The following KCNIP4 variants were observed in gnomAD, a reference collection of about 807,000 sequenced individuals.
KCNIP4 encodes the protein potassium voltage-gated channel interacting protein 4, also known as Kv channel-interacting protein 4.
In KCNIP4, 12 loss-of-function variants were observed where a neutral mutation model predicts 34.0. That is an observed-to-expected ratio of 0.35 (90% CI 0.23 to 0.57). The LOEUF (loss-of-function observed/expected upper bound fraction) is 0.57, where lower values mean the gene tolerates loss of function less well. Ranked by LOEUF, KCNIP4 falls within the 20% of genes least tolerant of loss-of-function variation. The pLI, the probability that KCNIP4 is intolerant of heterozygous loss-of-function variation, is 0.83. For synonymous variants in KCNIP4, 124 were observed against 102.2 expected (o/e 1.21, Z -1.29); for missense variants, 238 against 311.7 (o/e 0.76, Z 1.78).
At chr4:21,240,117 C>T (rs1261520291) in intron 1 of KCNIP4, among the ~76,000 whole-genome samples, 1 of 149,864 alleles carries the variant, frequency 6.7e-6, no homozygotes, top group Non-Finnish European at 1.5e-5. Flanking sequence ...GGCAAACTAT[C>T]GCAAAGACAA....
rs894986266 is a variant in KCNIP4, at chr4:21,803,739, C to T, written c.61+144832G>A. 2.0e-5 allele frequency among the ~76,000 whole-genome samples: 3 copies of T among 152,120 alleles called. No individual in the cohort carries two copies. In the South Asian group the frequency reaches 6.2e-4, roughly 32 times the overall value. Reference sequence around the variant, plus strand: ...ACTTCCCCAGTGAAGCTTCCAGACCCCTGTTATACAAACAGGCAATTCCTG... The same window carrying T: ...ACTTCCCCAGTGAAGCTTCCAGACCTCTGTTATACAAACAGGCAATTCCTG... On this transcript the variant is annotated intron_variant, in intron 1 of 8. Transcript: ENST00000382152.
At chr4:21,383,500 A>T (rs1421345622) in intron 1 of KCNIP4, among the ~76,000 whole-genome samples, 1 of 5,496 alleles carries the variant, frequency 1.8e-4, no homozygotes, top group Non-Finnish European at 9.6e-4. Context: ...TAGCAAGACA[A>T]AAAAAAAAAA....
At chr4:21,197,751 C>A (rs937321090) in intron 1 of KCNIP4, among the ~76,000 whole-genome samples, 1 of 152,034 alleles carries the variant, frequency 6.6e-6, no homozygotes, top group Non-Finnish European at 1.5e-5. Flanking sequence ...CTGTGACTAT[C>A]CTACCGTTAG....
At chr4:21,279,514 T>TAC (rs1042458727) in intron 1 of KCNIP4, among the ~76,000 whole-genome samples, 36 of 140,100 alleles carry the variant, frequency 2.6e-4, no homozygotes, top group African/African-American at 8.9e-4. Context: ...TACATACATA[T>TAC]ACACACACAC....
At chr4:21,355,498 A>C (rs1443493116) in intron 1 of KCNIP4, among the ~76,000 whole-genome samples, 4 of 152,148 alleles carry the variant, frequency 2.6e-5, no homozygotes, top group East Asian at 1.9e-4. Context: ...GAAATACAAA[A>C]TACCATCAGA....
chr4:21,742,956 T>C (rs1716516917), intron 1 of KCNIP4, among the ~76,000 whole-genome samples: 1 of 152,148 alleles, frequency 6.6e-6, no homozygotes, highest in African/African-American at 2.4e-5. Context: ...GCTTTTATAA[T>C]AAAAACACTT....
At chr4:21,008,415 GT>G (rs1299081448) in intron 1 of KCNIP4, among the ~76,000 whole-genome samples, 2 of 152,166 alleles carry the variant, frequency 1.3e-5, no homozygotes, top group Non-Finnish European at 2.9e-5. Flanking sequence ...GAGCTGCTCT[GT>G]GCTATAAAAT....
At chr4:21,632,830 A>T (rs1745859340) in intron 1 of KCNIP4, among the ~76,000 whole-genome samples, 1 of 152,172 alleles carries the variant, frequency 6.6e-6, no homozygotes, top group Non-Finnish European at 1.5e-5. Context: ...ATATTTTGGG[A>T]ACACTCTTCA....
intron 1 of KCNIP4, chr4:21,848,113 T>C (rs1724141423): frequency 6.6e-6 from 1 of 152,176 alleles, no homozygotes; most frequent in African/African-American, 2.4e-5. Context: ...AAGGTTGAAC[T>C]TCTCAGCAGC....
chr4:21,028,305 A>C (rs1740723545), intron 1 of KCNIP4, among the ~76,000 whole-genome samples: 1 of 152,164 alleles, frequency 6.6e-6, no homozygotes, highest in Admixed American at 6.5e-5. Flanking sequence ...AGTAGAGTGA[A>C]CCTTTTAAAA....
intron 1 of KCNIP4, among the ~76,000 whole-genome samples, chr4:21,224,457 C>T (rs1330478087): frequency 6.6e-6 from 1 of 151,792 alleles, no homozygotes; most frequent in Non-Finnish European, 1.5e-5. Context: ...CTCCCAATGC[C>T]ATTACATTAG....
At chr4:21,424,374 C>T (rs1725760765) in intron 1 of KCNIP4, among the ~76,000 whole-genome samples, 1 of 151,496 alleles carries the variant, frequency 6.6e-6, no homozygotes, top group Non-Finnish European at 1.5e-5. Context: ...AGTTCGAGAC[C>T]AGCCTGACCA....
chr4:21,629,699 G>A (rs1028916996), intron 1 of KCNIP4, among the ~76,000 whole-genome samples: 1 of 151,974 alleles, frequency 6.6e-6, no homozygotes, highest in African/African-American at 2.4e-5. Context: ...GATACCTATA[G>A]GGAATTTAGA....
At chr4:20,921,280 C>T (rs1157637878) in intron 1 of KCNIP4, among the ~76,000 whole-genome samples, 4 of 152,046 alleles carry the variant, frequency 2.6e-5, no homozygotes, top group Non-Finnish European at 5.9e-5. Context: ...GCAGTGAGAG[C>T]GTGGAGGATG....
intron 1 of KCNIP4, among the ~76,000 whole-genome samples, chr4:21,891,268 A>C (rs897493962): frequency 1.3e-5 from 2 of 152,140 alleles, no homozygotes; most frequent in Non-Finnish European, 2.9e-5. Context: ...TGTCAGGTAC[A>C]TCTGCCATAC....
At chr4:20,923,434 A>G (rs11735083) in intron 1 of KCNIP4, among the ~76,000 whole-genome samples, 54,287 of 152,028 alleles carry the variant, frequency 0.36, 11,201 homozygotes, top group East Asian at 0.5. Flanking sequence ...TGAATCATCA[A>G]TATCTTCTGC....
intron 1 of KCNIP4, among the ~76,000 whole-genome samples, chr4:21,800,492 A>C (rs946882296): frequency 6.6e-6 from 1 of 152,222 alleles, no homozygotes; most frequent in Non-Finnish European, 1.5e-5. Flanking sequence ...CTAAAGAACT[A>C]AAATAAAAAA....
chr4:21,274,054 C>T (rs971182487), intron 1 of KCNIP4, among the ~76,000 whole-genome samples: 1 of 152,092 alleles, frequency 6.6e-6, no homozygotes, highest in African/African-American at 2.4e-5. Flanking sequence ...GCTTGCAGGT[C>T]TCATATGACC....
chr4:21,561,629 G>A (rs1739491509), intron 1 of KCNIP4, among the ~76,000 whole-genome samples: 1 of 151,762 alleles, frequency 6.6e-6, no homozygotes, highest in Non-Finnish European at 1.5e-5. Context: ...CCGGTTTTAT[G>A]CATACTGTCT....
Sources: allele counts gnomAD v4.1 joint callset (sites outside exome capture counted in the v4.1 genomes callset), GRCh38; gene constraint gnomAD v4.1.1; transcripts MANE v1.5; gene names NCBI Gene and HGNC (gene_info 2026-07-23, HGNC 2026-07-21).